The following ITPR1 variants were observed in gnomAD, a reference collection of about 807,000 sequenced individuals.
The protein encoded by ITPR1 is inositol 1,4,5-trisphosphate receptor type 1, also known as inositol 1,4,5-trisphosphate-gated calcium channel ITPR1.
ITPR1 carries 96 observed loss-of-function variants against 318.4 expected under a neutral mutation model. The observed-to-expected ratio is 0.30, with a 90% confidence interval of 0.26 to 0.36. ITPR1 has a LOEUF of 0.36. Among genes scored for constraint, ITPR1 ranks in the 10% least tolerant of loss-of-function variants. ITPR1 has a pLI of 1.00. For missense variants in ITPR1, 2,440 were observed against 3,460.2 expected, an observed-to-expected ratio of 0.71 and a Z score of 7.40; for synonymous variants, 1,312 against 1,289.9, an observed-to-expected ratio of 1.02 and a Z score of -0.37.
intron 4 of ITPR1, among the ~76,000 whole-genome samples, chr3:4,603,533 A>C (rs547014694): frequency 6.6e-6 from 1 of 151,964 alleles, no homozygotes; most frequent in African/African-American, 2.4e-5. Flanking sequence ...GGGTTCAAGC[A>C]ATTCTCCTGC....
At chr3:4,829,954 G>GTTTTTTT (rs35099159) in intron 60 of ITPR1, among the ~76,000 whole-genome samples, 7 of 27,106 alleles carry the variant, frequency 2.6e-4, no homozygotes, top group Admixed American at 6.0e-4. Flanking sequence ...ATGTATAACA[G>GTTTTTTT]TTTTTTTTTT....
At chr3:4,804,026 C>T (rs1380178096) in intron 54 of ITPR1, among the ~76,000 whole-genome samples, 1 of 152,296 alleles carries the variant, frequency 6.6e-6, no homozygotes, top group South Asian at 2.1e-4. Flanking sequence ...TGTGTGCCGC[C>T]ATGCCTGGCT....
In ITPR1 at chr3:4,686,761, C is replaced by T. The variant is rs190518957; in HGVS notation, c.3702+1555C>T. Among the ~76,000 whole-genome samples the T allele has an allele frequency of 2.0e-3, 298 of 152,248 alleles. 3 individuals are homozygous for T. Among genetic ancestry groups the T allele is most frequent in the Non-Finnish European group, 6.9e-4 (47 of 68,030 alleles). On this transcript the variant is annotated intron_variant, in intron 30 of 61. Transcript: ENST00000649015. ...GGGGCTTGCTTTCCTTGGAAAAATC[C>T]GCTTCACACCACAAGGGTTCTTCAC...
chr3:4,800,481 G>A lies in ITPR1; in HGVS notation c.6988G>A (p.Ala2330Thr). The change falls in exon 54 of 62, where the codon GCC becomes ACC. Residue 2330 changes from alanine (A) to threonine (T), a missense_variant. Ala to Thr is a moderately conservative substitution (Grantham distance 58, BLOSUM62 0). Coordinates refer to ENST00000649015, the MANE Select transcript of ITPR1 (RefSeq NM_001378452.1). ...LLWTAMLISL[A>T]IVIALPKPHG... is the part of the protein sequence containing the mutation. ...GTGGACAGCCATGCTCATCTCTCTG[G>A]CCATCGTCATTGCCCTCCCCAAGCC... The A allele has an allele frequency of 6.2e-7, 1 of 1,613,956 alleles. No homozygotes were observed. The highest frequency in any genetic ancestry group is 8.5e-7 in the Non-Finnish European group (1 of 1,179,866).
In ITPR1 at chr3:4,813,220, C is replaced by G. The variant is rs779669061; in HGVS notation, c.7547C>G (p.Pro2516Arg). Residue 2516 changes from proline (P) to arginine (R), a missense_variant, in exon 57 of 62, where the codon CCT becomes CGT. Physicochemically the swap from Pro to Arg is moderately radical, Grantham distance 103 (BLOSUM62 -2). This residue lies in a region of ITPR1 where 88 missense variants were observed against 90.5 expected (regional missense o/e 0.97). Coordinates refer to ENST00000649015, the MANE Select transcript of ITPR1 (RefSeq NM_001378452.1). Reference sequence around the variant, plus strand: ...GAGAGTGGGGAGAACTGCTCCTCTCCTGCACCCAGAGAAGGTAGGACCTCC... The same window carrying G: ...GAGAGTGGGGAGAACTGCTCCTCTCGTGCACCCAGAGAAGGTAGGACCTCC... ...RVESGENCSS[P>R]APREELVPAE... 1.2e-6 allele frequency: 2 copies of G among 1,611,138 alleles called. No homozygotes were observed. The highest frequency in any genetic ancestry group is 8.5e-7 in the Non-Finnish European group (1 of 1,177,800).
chr3:4,785,898 C>CA (rs2047165493), intron 51 of ITPR1, among the ~76,000 whole-genome samples: 1 of 152,258 alleles, frequency 6.6e-6, no homozygotes, highest in African/African-American at 2.4e-5. Flanking sequence ...ACCTAGCTCT[C>CA]AAATCCTGCC....
At chr3:4,515,542 T>C (rs1239528437) in intron 2 of ITPR1, among the ~76,000 whole-genome samples, 3 of 152,230 alleles carry the variant, frequency 2.0e-5, no homozygotes, top group African/African-American at 7.2e-5. Context: ...TCTTCCCACA[T>C]AACTGAGTTT....
At chr3:4,520,710 T>C (rs1447944717) in intron 3 of ITPR1, among the ~76,000 whole-genome samples, 1 of 152,250 alleles carries the variant, frequency 6.6e-6, no homozygotes, top group Non-Finnish European at 1.5e-5. Flanking sequence ...CTTAGTTGAA[T>C]GCAACAGCCC....
intron 10 of ITPR1, among the ~76,000 whole-genome samples, chr3:4,648,779 C>G (rs1414292099): frequency 6.6e-6 from 1 of 152,170 alleles, no homozygotes; most frequent in Non-Finnish European, 1.5e-5. Flanking sequence ...CACTGCTTTC[C>G]AGCTTGGGTG....
intron 10 of ITPR1, among the ~76,000 whole-genome samples, chr3:4,647,255 A>T (rs938422996): frequency 2.6e-5 from 4 of 151,990 alleles, no homozygotes; most frequent in African/African-American, 9.7e-5. Flanking sequence ...ACTGCATAAT[A>T]CTCCATCATA....
intron 2 of ITPR1, among the ~76,000 whole-genome samples, chr3:4,508,320 C>T (rs1205402137): frequency 2.0e-5 from 3 of 152,096 alleles, no homozygotes; most frequent in Non-Finnish European, 4.4e-5. Flanking sequence ...TTCTCATTTC[C>T]TCCCAAGCCT....
chr3:4,743,198 T>G (rs1262645840), intron 44 of ITPR1, among the ~76,000 whole-genome samples: 2 of 152,264 alleles, frequency 1.3e-5, no homozygotes, highest in African/African-American at 4.8e-5. Flanking sequence ...CCTCCTACTT[T>G]ATCTGCCTTT....
intron 12 of ITPR1, among the ~76,000 whole-genome samples, chr3:4,656,915 C>T (rs1441152765): frequency 6.6e-6 from 1 of 152,226 alleles, no homozygotes; most frequent in African/African-American, 2.4e-5. Flanking sequence ...CGCGAGCTGG[C>T]CAGTCTCTTC....
chr3:4,750,930 A>T (rs1004168924), intron 44 of ITPR1: 1 of 152,636 alleles, frequency 6.6e-6, no homozygotes, highest in Admixed American at 6.6e-5. Context: ...TTCTTTTCCC[A>T]TGATTTTTTT....
At chr3:4,592,084 A>G (rs1575636430) in intron 4 of ITPR1, among the ~76,000 whole-genome samples, 2 of 152,208 alleles carry the variant, frequency 1.3e-5, no homozygotes, top group African/African-American at 4.8e-5. Flanking sequence ...TCTTCAGTTT[A>G]AAAGAGAACA....
intron 4 of ITPR1, among the ~76,000 whole-genome samples, chr3:4,547,072 C>T (rs1373009024): frequency 6.6e-6 from 1 of 152,144 alleles, no homozygotes. Flanking sequence ...GAAAGTGAAA[C>T]ACAGCAAAAC....
At chr3:4,595,628 C>T (rs980956768) in intron 4 of ITPR1, among the ~76,000 whole-genome samples, 6 of 152,018 alleles carry the variant, frequency 3.9e-5, no homozygotes, top group Non-Finnish European at 5.9e-5. Context: ...GCTGGGGTGT[C>T]GGCTTAGAGA....
intron 60 of ITPR1, among the ~76,000 whole-genome samples, chr3:4,833,015 C>T (rs954357441): frequency 3.3e-5 from 5 of 152,196 alleles, no homozygotes; most frequent in African/African-American, 4.8e-5. Flanking sequence ...GAGACCTGGC[C>T]GGTGACCACA....
chr3:4,689,830 T>G (rs1276559501), intron 31 of ITPR1, among the ~76,000 whole-genome samples: 1 of 152,222 alleles, frequency 6.6e-6, no homozygotes, highest in Non-Finnish European at 1.5e-5. Context: ...GGCCTTCTTT[T>G]AAGAACTTCT....
Sources: allele counts gnomAD v4.1 joint callset (sites outside exome capture counted in the v4.1 genomes callset), GRCh38; gene constraint gnomAD v4.1.1; regional missense constraint gnomAD v4.1.1; transcripts MANE v1.5; gene names NCBI Gene and HGNC (gene_info 2026-07-23, HGNC 2026-07-21).